RAD50: variants seen among roughly 807,000 people sequenced by gnomAD.
RAD50 encodes DNA repair protein RAD50.
Under a neutral mutation model 168.8 loss-of-function variants are expected in RAD50, and 132 were observed. The observed-to-expected ratio is 0.78, with a 90% CI of 0.68 to 0.90. The LOEUF (loss-of-function observed/expected upper bound fraction) is 0.90, where lower values mean the gene tolerates loss of function less well. Ranked by LOEUF, RAD50 falls within the 40% of genes least tolerant of loss-of-function variation. RAD50 has a pLI of 0.00. For synonymous variants in RAD50, 525 were observed against 497.4 expected, an observed-to-expected ratio of 1.06 and a Z score of -0.74; for missense variants, 1,347 against 1,534.4, an observed-to-expected ratio of 0.88 and a Z score of 2.04.
Position 132,589,639 on chromosome 5 carries a change from T to G in RAD50, c.1254T>G (p.Phe418Leu), listed in dbSNP as rs1750660801. Residue 418 changes from phenylalanine to leucine, a missense_variant, in exon 9 of 25, where the codon TTT becomes TTG. Physicochemically the swap from Phe to Leu is conservative, Grantham distance 22. Transcript: ENST00000378823. ...AKTANQLMND[F>L]AEKETLKQKQ... ...TTTACATATGCATTTAGAATGACTT[T>G]GCAGAAAAAGAGACTCTGAAACAAA... 1 of 1,583,148 alleles carries G rather than the reference T, an allele frequency of 6.3e-7. No homozygotes were observed. The highest frequency in any genetic ancestry group is 8.6e-7 in the Non-Finnish European group (1 of 1,164,512).
chr5:132,611,223 T>C (rs1751079381), intron 19 of RAD50, among the ~76,000 whole-genome samples: 1 of 151,894 alleles, frequency 6.6e-6, no homozygotes, highest in Admixed American at 6.6e-5. Flanking sequence ...AAACCCCATC[T>C]CTACTGAAAA....
At chr5:132,577,603 A>G (rs142948676) in intron 3 of RAD50, among the ~76,000 whole-genome samples, 1 of 152,182 alleles carries the variant, frequency 6.6e-6, no homozygotes, top group Admixed American at 6.5e-5. Context: ...CACCCCATCA[A>G]TAAAGGTTGG....
At position 132,571,257 on chromosome 5, in the gene RAD50, A is replaced by G. The variant is rs201829818; in HGVS notation, c.214-4520A>G. The stretch of plus-strand genomic sequence containing the variant: ...AAAGTGAGCACATGCTGTTGGAAAA[A>G]TGGCACCGATAGACTTGTTAGATGC... On this transcript the variant is annotated intron_variant, in intron 2 of 24. Coordinates refer to ENST00000378823, the MANE Select transcript of RAD50 (RefSeq NM_005732.4). Among the ~76,000 whole-genome samples the G allele has an allele frequency of 3.9e-5, 6 of 152,206 alleles. No individual in the cohort carries two copies. The East Asian group carries it at 7.7e-4, about 20-fold the overall frequency.
chr5:132,616,391 C>A lies in RAD50; in HGVS notation c.3164+261C>A, dbSNP rs540233167. ...TTGAACATGCTTAGTCCCCATACAT[C>A]TGCTAGCCTGCTGCACAGAATAGTG... On this transcript the variant is annotated intron_variant, in intron 20 of 24. Transcript: ENST00000378823. Among the ~76,000 whole-genome samples the A allele has an allele frequency of 3.3e-5, 5 of 152,286 alleles. No homozygotes were observed. In the East Asian group the frequency reaches 9.6e-4, roughly 29 times the overall value.
chr5:132,643,593 G>A lies in RAD50; in HGVS notation c.*1229G>A, dbSNP rs1751783689. The A allele has an allele frequency of 4.4e-6, 1 of 229,488 alleles. No individual in the cohort carries two copies. The highest frequency in any genetic ancestry group is 5.7e-5 in the Admixed American group (1 of 17,662). The allele number at this position is 229,488 out of a possible 1,614,324, so 14.2% of individuals were successfully genotyped here. ...GCATCTATCTGTGCTAGGTTAAATG[G>A]TTGGCCCCCAAAGATAGACAGGTCC... On this transcript the variant is annotated 3_prime_UTR_variant, in exon 25 of 25. Coordinates refer to ENST00000378823, the MANE Select transcript of RAD50 (RefSeq NM_005732.4).
intron 5 of RAD50, among the ~76,000 whole-genome samples, chr5:132,581,125 A>G (rs1436760871): frequency 6.6e-6 from 1 of 151,830 alleles, no homozygotes; most frequent in Admixed American, 6.6e-5. Context: ...TTTGAGATGG[A>G]GTTTCACTTT....
rs1174525743 is a variant in RAD50 at position 132,603,419 on chromosome 5, G to C, written c.2327G>C (p.Gly776Ala). The part of the protein sequence containing the change: ...NDIEEQETLL[G>A]TIMPEEESAK... ...ATAGAAGAACAAGAAACACTCTTGG[G>C]TACAATAATGCCTGAAGAAGAAAGT... The change falls in exon 14 of 25, where the codon GGT becomes GCT. Residue 776 changes from glycine (G) to alanine (A), a missense_variant. By Grantham distance (60) the Gly-to-Ala change is moderately conservative. Transcript: ENST00000378823. 10 of 1,613,938 alleles carry C rather than the reference G, an allele frequency of 6.2e-6. No individual in the cohort carries two copies. Among genetic ancestry groups the C allele is most frequent in the Non-Finnish European group, 8.5e-6 (10 of 1,179,892 alleles).
intron 2 of RAD50, among the ~76,000 whole-genome samples, chr5:132,570,514 G>A (rs1458918195): frequency 1.3e-5 from 2 of 152,166 alleles, no homozygotes; most frequent in African/African-American, 4.8e-5. Flanking sequence ...GCTTCACCTC[G>A]CACTTTTATG....
chr5:132,604,291 G>A (rs964513583), intron 15 of RAD50, among the ~76,000 whole-genome samples: 2 of 148,996 alleles, frequency 1.3e-5, no homozygotes, highest in African/African-American at 5.0e-5. Context: ...TTAAGATAGA[G>A]TTTCACTTTT....
At chr5:132,617,686 C>G (rs1195438687) in intron 20 of RAD50, among the ~76,000 whole-genome samples, 9 of 152,024 alleles carry the variant, frequency 5.9e-5, no homozygotes, top group African/African-American at 2.2e-4. Flanking sequence ...GATGATGAAG[C>G]CTGTTATCCA....
At chr5:132,572,359 T>C (rs1295818094) in intron 2 of RAD50, among the ~76,000 whole-genome samples, 1 of 152,136 alleles carries the variant, frequency 6.6e-6, no homozygotes, top group Non-Finnish European at 1.5e-5. Context: ...ATCTTATAAC[T>C]ATGTTCATAG....
At chr5:132,580,147 C>A in intron 5 of RAD50, 81 bp downstream of exon 5, 1 of 1,205,196 alleles carries the variant, frequency 8.3e-7, no homozygotes, top group Non-Finnish European at 1.2e-6. Context: ...AAGTATACAT[C>A]GTGGACTGGC....
At chr5:132,599,437 A>T (rs943846846) in intron 13 of RAD50, among the ~76,000 whole-genome samples, 1 of 152,238 alleles carries the variant, frequency 6.6e-6, no homozygotes, top group Admixed American at 6.5e-5. Context: ...CTGGAGAAGG[A>T]TGAGTTTGGG....
chr5:132,593,051 C>G (rs985745297), intron 11 of RAD50: 2 of 349,132 alleles, frequency 5.7e-6, no homozygotes, highest in South Asian at 4.3e-5. Flanking sequence ...TTTTTCCTCA[C>G]AAATTGATGT....
chr5:132,636,037 C>T (rs116261226), intron 21 of RAD50, among the ~76,000 whole-genome samples: 68 of 152,252 alleles, frequency 4.5e-4, no homozygotes, highest in Middle Eastern at 3.4e-3. Context: ...CAGAAGATCA[C>T]GAAATGATTC....
chr5:132,631,147 G>T (rs1167062961), intron 21 of RAD50, among the ~76,000 whole-genome samples: 6 of 137,464 alleles, frequency 4.4e-5, no homozygotes, highest in Non-Finnish European at 9.1e-5. Flanking sequence ...TTAAGACAGA[G>T]TCTGGCTCTG....
rs1007082453 is a variant in RAD50, at chr5:132,556,986, G to A, written c.-339G>A. The A allele has an allele frequency of 1.6e-5, 14 of 888,976 alleles. No individual in the cohort carries two copies. The Admixed American group carries it at 3.7e-4, about 24-fold the overall frequency. The allele number at this position is 888,976 out of a possible 1,614,324, so 55.1% of individuals were successfully genotyped here. Reference sequence around the variant, plus strand: ...GCGGGCCTAGAGGCCCACGTGATCCGCAGGGCGGCCGAGGCAGGAAGCTGT... The same window carrying A: ...GCGGGCCTAGAGGCCCACGTGATCCACAGGGCGGCCGAGGCAGGAAGCTGT... On this transcript the variant is annotated 5_prime_UTR_variant, in exon 1 of 25. Coordinates refer to ENST00000378823, the MANE Select transcript of RAD50 (RefSeq NM_005732.4).
At chr5:132,597,643 C>A (rs1285353673) in intron 13 of RAD50, among the ~76,000 whole-genome samples, 7 of 152,234 alleles carry the variant, frequency 4.6e-5, no homozygotes, top group African/African-American at 1.7e-4. Context: ...CTTAAGATGA[C>A]TGCAGTCCTG....
intron 21 of RAD50, among the ~76,000 whole-genome samples, chr5:132,620,152 G>T (rs1262505200): frequency 1.3e-5 from 2 of 151,882 alleles, no homozygotes; most frequent in Non-Finnish European, 2.9e-5. Context: ...TGATCCACCT[G>T]TATTGGCCTC....
Sources: gnomAD v4.1 joint callset for allele counts (sites outside exome capture counted in the v4.1 genomes callset) on GRCh38, gnomAD v4.1.1 for gene constraint, MANE v1.5 for transcripts, NCBI Gene and HGNC (gene_info 2026-07-23, HGNC 2026-07-21) for gene names.